The following SLCO1B3 variants were observed in gnomAD, a reference collection of about 807,000 sequenced individuals.
SLCO1B3 encodes the protein solute carrier organic anion transporter family member 1B3, also known as liver-specific organic anion transporter 2.
In SLCO1B3, 72 loss-of-function variants were observed where a neutral mutation model predicts 71.8. That is an observed-to-expected ratio of 1.00 (90% CI 0.83 to 1.22). The LOEUF (loss-of-function observed/expected upper bound fraction) is 1.22, where lower values mean the gene tolerates loss of function less well. SLCO1B3 is among the 50% of genes most tolerant of loss of function. SLCO1B3 has a pLI of 0.00. For synonymous variants in SLCO1B3, 298 were observed against 278.4 expected (o/e 1.07, Z -0.70); for missense variants, 911 against 819.7 (o/e 1.11, Z -1.36).
At chr12:20,908,445 T>C (rs1201379936) in intron 15 of SLCO1B3, among the ~76,000 whole-genome samples, 1 of 152,168 alleles carries the variant, frequency 6.6e-6, no homozygotes, top group East Asian at 1.9e-4. Context: ...TTCTGTGGGT[T>C]TGGATGAATG....
chr12:20,913,776 G>C (rs780123244), intron 15 of SLCO1B3, among the ~76,000 whole-genome samples: 1 of 152,006 alleles, frequency 6.6e-6, no homozygotes, highest in African/African-American at 2.4e-5. Context: ...TTTTGAGATG[G>C]GGTCTCACTC....
At chr12:20,868,138 C>G (rs190709697) in intron 8 of SLCO1B3, among the ~76,000 whole-genome samples, 1 of 152,274 alleles carries the variant, frequency 6.6e-6, no homozygotes, top group Non-Finnish European at 1.5e-5. Context: ...TATATGTTGA[C>G]TGTTTATGCT....
intron 3 of SLCO1B3, among the ~76,000 whole-genome samples, chr12:20,849,176 T>C (rs1157336090): frequency 6.6e-6 from 1 of 151,796 alleles, no homozygotes. Context: ...TTCAAGAAAA[T>C]ACTAGCCAAT....
intron 3 of SLCO1B3, among the ~76,000 whole-genome samples, chr12:20,830,153 T>G (rs1219229889): frequency 6.6e-6 from 1 of 152,166 alleles, no homozygotes; most frequent in Non-Finnish European, 1.5e-5. Context: ...GCAATGAAGA[T>G]AGCTCAAGCT....
intron 3 of SLCO1B3, among the ~76,000 whole-genome samples, chr12:20,830,701 T>A (rs920109446): frequency 2.6e-5 from 4 of 152,324 alleles, no homozygotes; most frequent in Middle Eastern, 3.4e-3. Flanking sequence ...TGCAATAATG[T>A]TAAACAAGGT....
In SLCO1B3 at chr12:20,817,339, G is replaced by A. The variant is rs115152549; in HGVS notation, c.84+1517G>A. Among the ~76,000 whole-genome samples, 1,116 of 152,178 alleles carry A rather than the reference G, an allele frequency of 7.3e-3. 7 individuals carry two copies. Among genetic ancestry groups the A allele is most frequent in the South Asian group, 0.029 (138 of 4,816 alleles). Reference sequence around the variant, plus strand: ...TTATTGAGGTAGTTTTATGGGTTGAGGTCTTTAGATTTAAGTCTTTAGTTC... The same window carrying A: ...TTATTGAGGTAGTTTTATGGGTTGAAGTCTTTAGATTTAAGTCTTTAGTTC... On this transcript the variant is annotated intron_variant, in intron 3 of 15. Coordinates refer to ENST00000381545, the MANE Select transcript of SLCO1B3 (RefSeq NM_019844.4).
intron 1 of SLCO1B3, among the ~76,000 whole-genome samples, chr12:20,812,203 G>A (rs565978535): frequency 1.1e-4 from 16 of 151,994 alleles, no homozygotes; most frequent in East Asian, 7.8e-4. Context: ...CACTGCTCCC[G>A]GCCTACTTGA....
At chr12:20,896,597 A>G (rs1366414217) in intron 13 of SLCO1B3, among the ~76,000 whole-genome samples, 3 of 152,194 alleles carry the variant, frequency 2.0e-5, no homozygotes, top group Non-Finnish European at 2.9e-5. Context: ...GCTTTTAGCC[A>G]AAGCTATTCA....
intron 3 of SLCO1B3, among the ~76,000 whole-genome samples, chr12:20,849,664 G>T (rs1168276281): frequency 7.5e-6 from 1 of 133,440 alleles, no homozygotes; most frequent in African/African-American, 2.6e-5. Context: ...GAATCCACAA[G>T]AAATCTACTA....
At chr12:20,893,632 CA>C (rs1369455325) in intron 13 of SLCO1B3, among the ~76,000 whole-genome samples, 5 of 152,030 alleles carry the variant, frequency 3.3e-5, no homozygotes, top group African/African-American at 1.2e-4. Context: ...TTGTTTAGAA[CA>C]AGAAAGTGAA....
chr12:20,881,631 C>T (rs2121309441), intron 12 of SLCO1B3, among the ~76,000 whole-genome samples: 1 of 152,160 alleles, frequency 6.6e-6, no homozygotes, highest in African/African-American at 2.4e-5. Context: ...TCACTGATTG[C>T]CAACATATCC....
At chr12:20,842,421 T>C (rs1864821725) in intron 3 of SLCO1B3, among the ~76,000 whole-genome samples, 1 of 152,190 alleles carries the variant, frequency 6.6e-6, no homozygotes, top group South Asian at 2.1e-4. Context: ...ATCTTTTAGG[T>C]TGATATATCA....
chr12:20,854,963 G>C, intron 3 of SLCO1B3, 65 bp from the exon 4 acceptor site: 1 of 1,402,940 alleles, frequency 7.1e-7, no homozygotes, highest in African/African-American at 1.5e-5. Flanking sequence ...TTAGTTCCAT[G>C]TACCTATAAA....
intron 12 of SLCO1B3, among the ~76,000 whole-genome samples, chr12:20,882,916 G>A (rs1174771582): frequency 2.6e-5 from 4 of 152,014 alleles, no homozygotes; most frequent in African/African-American, 7.2e-5. Flanking sequence ...AACCTTTCTG[G>A]TAATAATATA....
chr12:20,881,931 C>T (rs4149145), intron 12 of SLCO1B3, among the ~76,000 whole-genome samples: 110,133 of 152,078 alleles, frequency 0.72, 42,476 homozygotes, highest in South Asian at 0.9. Flanking sequence ...ATCCTACCAA[C>T]GTATTATTAA....
intron 3 of SLCO1B3, among the ~76,000 whole-genome samples, chr12:20,837,705 G>T (rs1157071169): frequency 6.6e-6 from 1 of 151,784 alleles, no homozygotes; most frequent in African/African-American, 2.4e-5. Context: ...AAAATAAATT[G>T]GATAAGATAT....
At chr12:20,843,677 A>T (rs1487182422) in intron 3 of SLCO1B3, among the ~76,000 whole-genome samples, 1 of 151,818 alleles carries the variant, frequency 6.6e-6, no homozygotes, top group Non-Finnish European at 1.5e-5. Flanking sequence ...GCTACTCAGG[A>T]GGCTGAGGCA....
chr12:20,841,183 T>A (rs1366885335), intron 3 of SLCO1B3, among the ~76,000 whole-genome samples: 1 of 152,156 alleles, frequency 6.6e-6, no homozygotes, highest in African/African-American at 2.4e-5. Context: ...TCTCTCCATC[T>A]CCAATCTTGG....
At chr12:20,832,826 T>C (rs563339383) in intron 3 of SLCO1B3, among the ~76,000 whole-genome samples, 72 of 152,250 alleles carry the variant, frequency 4.7e-4, no homozygotes, top group Non-Finnish European at 9.3e-4. Flanking sequence ...TCCCTATCCA[T>C]AACTCTTTAA....
Sources: allele counts gnomAD v4.1 joint callset (sites outside exome capture counted in the v4.1 genomes callset), GRCh38; gene constraint gnomAD v4.1.1; transcripts MANE v1.5; gene names NCBI Gene and HGNC (gene_info 2026-07-23, HGNC 2026-07-21).